The following DCX variants were observed in gnomAD, a reference collection of about 807,000 sequenced individuals.
DCX encodes doublecortin, also known as neuronal migration protein doublecortin.
DCX carries 4 observed loss-of-function variants against 20.9 expected under a neutral mutation model. That is an observed-to-expected ratio of 0.19 (90% CI 0.09 to 0.44). The LOEUF is 0.44. Ranked by LOEUF, DCX falls within the 20% of genes least tolerant of loss-of-function variation. The pLI, the probability that DCX is intolerant of heterozygous loss-of-function variation, is 0.99. For missense variants in DCX, 133 were observed against 296.9 expected, an observed-to-expected ratio of 0.45 and a Z score of 4.06; for synonymous variants, 103 against 111.4, an observed-to-expected ratio of 0.92 and a Z score of 0.47.
chrX:111,294,217 T>C lies in DCX; in HGVS notation c.*7470A>G, dbSNP rs2147555722. 8.9e-6 allele frequency: 1 copy of C among 112,110 alleles called. No homozygotes were observed. The highest frequency in any genetic ancestry group is 3.2e-5 in the African/African-American group (1 of 30,922). The allele number at this position is 112,110 out of a possible 1,213,427, so 9.2% of individuals were successfully genotyped here. ...TAGGTATTGCCTAGGACACTGATAG[T>C]AATGCATTTGAACTCATGCCCTTGT... is the stretch of plus-strand genomic sequence containing the variant. On this transcript the variant is annotated 3_prime_UTR_variant, in exon 7 of 7. Coordinates refer to ENST00000636035, the MANE Select transcript of DCX (RefSeq NM_001195553.2).
chrX:111,410,657 G>T, intron 1 of DCX: 2 of 957,868 alleles, frequency 2.1e-6, no homozygotes, highest in South Asian at 1.9e-5. Flanking sequence ...TGGTTGTGGG[G>T]GTTGGGAGTA....
chrX:111,343,963 C>A (rs2147658807), intron 3 of DCX, among the ~76,000 whole-genome samples: 1 of 111,175 alleles, frequency 9.0e-6, no homozygotes, highest in East Asian at 2.8e-4. Context: ...ACCTGGGCGA[C>A]AGAACGAGAC....
At chrX:111,336,968 AAGG>A (rs1382381120) in intron 3 of DCX, among the ~76,000 whole-genome samples, 2 of 111,362 alleles carry the variant, frequency 1.8e-5, no homozygotes, top group Non-Finnish European at 3.8e-5. Flanking sequence ...GAAGGAAAAG[AAGG>A]AGGAGGAGAA....
rs775046398 is a variant in DCX at position 111,312,675 on chromosome X, C to T, written c.1008G>A (p.Thr336=). Residue 336 remains threonine, a synonymous_variant, in exon 6 of 7, where the codon ACG becomes ACA. Transcript: ENST00000636035. The part of the protein sequence containing the change: ...TPKSKQSPIS[T]PTSPGSLRKH... ...TCCGGAGGCTGCCAGGACTGGTGGGCGTAGAGATGGGAGACTGCTTAGACT... is the reference window on the plus strand; with the variant it reads ...TCCGGAGGCTGCCAGGACTGGTGGGTGTAGAGATGGGAGACTGCTTAGACT... 27 of 1,209,594 alleles carry T rather than the reference C, an allele frequency of 2.2e-5. No individual in the cohort carries two copies. Among genetic ancestry groups the T allele is most frequent in the East Asian group, 1.2e-4 (4 of 33,740 alleles).
At chrX:111,305,564 T>A (rs1289579332) in intron 6 of DCX, among the ~76,000 whole-genome samples, 1 of 110,550 alleles carries the variant, frequency 9.0e-6, no homozygotes, top group Non-Finnish European at 1.9e-5. Context: ...ATTTCTTCCC[T>A]TTCTATCCCC....
intron 3 of DCX, among the ~76,000 whole-genome samples, chrX:111,364,392 T>C (rs1479072424): frequency 1.8e-5 from 2 of 112,135 alleles, no homozygotes; most frequent in Non-Finnish European, 3.8e-5. Flanking sequence ...ATGCAAAGTA[T>C]ATAAGAAAGA....
chrX:111,306,642 A>T (rs754748274), intron 6 of DCX, among the ~76,000 whole-genome samples: 55 of 111,590 alleles, frequency 4.9e-4, no homozygotes, highest in Non-Finnish European at 1.0e-3. Flanking sequence ...CCCATGGAAC[A>T]TCCTCCAGGA....
chrX:111,323,797 G>GAGA (rs1299919767), intron 5 of DCX, among the ~76,000 whole-genome samples: 2 of 110,276 alleles, frequency 1.8e-5, no homozygotes, highest in African/African-American at 6.6e-5. Flanking sequence ...GTTTTAGGAT[G>GAGA]AGAAATGTGG....
At chrX:111,365,865 C>A (rs1924587553) in intron 3 of DCX, among the ~76,000 whole-genome samples, 1 of 111,360 alleles carries the variant, frequency 9.0e-6, no homozygotes, top group South Asian at 3.8e-4. Context: ...TCAGCCTTGG[C>A]ACTATTGACA....
intron 3 of DCX, among the ~76,000 whole-genome samples, chrX:111,351,243 C>T (rs945767953): frequency 1.8e-5 from 2 of 111,889 alleles, no homozygotes; most frequent in South Asian, 7.6e-4. Context: ...TTTTGCCAAA[C>T]GACTTTAGTC....
chrX:111,298,663 G>C lies in DCX; in HGVS notation c.*3024C>G, dbSNP rs1463023073. 8.9e-6 allele frequency: 1 copy of C among 111,837 alleles called. No homozygotes were observed. Among genetic ancestry groups the C allele is most frequent in the African/African-American group, 3.3e-5 (1 of 30,649 alleles). The allele number at this position is 111,837 out of a possible 1,213,427, so 9.2% of individuals were successfully genotyped here. A position where few individuals can be genotyped will look rare whatever the true frequency, so the allele number is the denominator to read the frequency against. Reference sequence around the variant, plus strand: ...CCTGAAGAATGAGAAATTTGGAGTAGAGGAGTAGATGATGTGATCTTAAGG... The same window carrying C: ...CCTGAAGAATGAGAAATTTGGAGTACAGGAGTAGATGATGTGATCTTAAGG... On this transcript the variant is annotated 3_prime_UTR_variant, in exon 7 of 7. Coordinates refer to ENST00000636035, the MANE Select transcript of DCX (RefSeq NM_001195553.2).
Position 111,383,905 on chromosome X carries a change from T to C in DCX, c.705+17085A>G, listed in dbSNP as rs12556126. Among the ~76,000 whole-genome samples, 612 of 111,234 alleles carry C rather than the reference T, an allele frequency of 5.5e-3. 14 individuals carry two copies. The highest frequency in any genetic ancestry group is 0.051 in the Admixed American group (530 of 10,403). On this transcript the variant is annotated intron_variant, in intron 3 of 6. Transcript: ENST00000636035. ...ACAGCCAAAATTGAGACCCACTTGATTGGATGAGGACTAAGGTCTCTTACA... is the reference window on the plus strand; with the variant it reads ...ACAGCCAAAATTGAGACCCACTTGACTGGATGAGGACTAAGGTCTCTTACA...
At chrX:111,338,504 C>A (rs1206601936) in intron 3 of DCX, among the ~76,000 whole-genome samples, 1 of 111,411 alleles carries the variant, frequency 9.0e-6, no homozygotes, top group Non-Finnish European at 1.9e-5. Flanking sequence ...CACCTACCAG[C>A]CCTGGACCAG....
At chrX:111,328,153 C>A (rs1421112302) in intron 5 of DCX, among the ~76,000 whole-genome samples, 3 of 111,866 alleles carry the variant, frequency 2.7e-5, no homozygotes, top group African/African-American at 9.7e-5. Flanking sequence ...CTCATACACC[C>A]AAATTGGTTA....
intron 3 of DCX, among the ~76,000 whole-genome samples, chrX:111,392,767 T>C (rs1389730274): frequency 9.0e-6 from 1 of 111,513 alleles, no homozygotes; most frequent in Non-Finnish European, 1.9e-5. Flanking sequence ...ATAAGCAAAA[T>C]ATGTGATATG....
At chrX:111,339,197 A>G (rs1245807719) in intron 3 of DCX, among the ~76,000 whole-genome samples, 1 of 111,600 alleles carries the variant, frequency 9.0e-6, no homozygotes, top group Non-Finnish European at 1.9e-5. Context: ...TTACTAGGTG[A>G]TCATATCCAG....
chrX:111,344,117 A>G (rs1337612179), intron 3 of DCX, among the ~76,000 whole-genome samples: 2 of 112,471 alleles, frequency 1.8e-5, no homozygotes, highest in African/African-American at 6.5e-5. Context: ...TCTATCACAT[A>G]AACAGAACCA....
At chrX:111,404,045 G>T (rs747646330) in intron 2 of DCX, among the ~76,000 whole-genome samples, 7 of 12,431 alleles carry the variant, frequency 5.6e-4, no homozygotes, top group Non-Finnish European at 1.2e-3. Flanking sequence ...GTGAGATTCC[G>T]TCTTAAAATA....
At chrX:111,301,988 T>C (rs781234476) in intron 6 of DCX, among the ~76,000 whole-genome samples, 1 of 110,841 alleles carries the variant, frequency 9.0e-6, no homozygotes, top group Non-Finnish European at 1.9e-5. Context: ...TGTATGTGTG[T>C]GTGTGTATAT....
Sources: allele counts gnomAD v4.1 joint callset (sites outside exome capture counted in the v4.1 genomes callset), GRCh38; gene constraint gnomAD v4.1.1; transcripts MANE v1.5; gene names NCBI Gene and HGNC (gene_info 2026-07-23, HGNC 2026-07-21).